The following DCDC1 variants were observed in gnomAD, a reference collection of about 807,000 sequenced individuals.
DCDC1 encodes the protein doublecortin domain-containing protein 1.
Under a neutral mutation model 178.3 loss-of-function variants are expected in DCDC1, and 200 were observed. That is an observed-to-expected ratio of 1.12 (90% CI 1.00 to 1.26). The LOEUF (loss-of-function observed/expected upper bound fraction) is 1.26. DCDC1 is among the 50% of genes most tolerant of loss of function. DCDC1 has a pLI of 0.00. For synonymous variants in DCDC1, 690 were observed against 604.8 expected, an observed-to-expected ratio of 1.14 and a Z score of -2.07; for missense variants, 1,983 against 1,749.2, an observed-to-expected ratio of 1.13 and a Z score of -2.38.
rs751350410 is a variant in DCDC1, at chr11:31,307,623, G to T, written c.434+16C>A. 1.2e-6 allele frequency: 2 copies of T among 1,612,896 alleles called. No homozygotes were observed. The highest frequency in any genetic ancestry group is 1.7e-6 in the Non-Finnish European group (2 of 1,179,258). On this transcript the variant is annotated intron_variant, in intron 4 of 38. Transcript: ENST00000684477. ...TCAACAATAGGTTAAAAAGAACAGA[G>T]AACAGCTTTGATTACCTCAGTTGAC...
chr11:31,345,589 A>T (rs1228067938), intron 1 of DCDC1, among the ~76,000 whole-genome samples: 2 of 145,192 alleles, frequency 1.4e-5, no homozygotes, highest in Admixed American at 8.0e-5. Flanking sequence ...TCTGAAAAGT[A>T]AAAAAAAAAA....
At chr11:30,962,171 A>C (rs1949141273) in intron 20 of DCDC1, among the ~76,000 whole-genome samples, 1 of 152,148 alleles carries the variant, frequency 6.6e-6, no homozygotes, top group Non-Finnish European at 1.5e-5. Flanking sequence ...TAAAGACTGC[A>C]GCATTATTAA....
intron 9 of DCDC1, among the ~76,000 whole-genome samples, chr11:31,188,630 CCAAA>C (rs1969788063): frequency 6.6e-6 from 1 of 152,048 alleles, no homozygotes; most frequent in African/African-American, 2.4e-5. Flanking sequence ...GCCATGTATA[CCAAA>C]CAAACAGGTA....
At chr11:31,175,460 C>T (rs543517019) in intron 9 of DCDC1, among the ~76,000 whole-genome samples, 1 of 152,348 alleles carries the variant, frequency 6.6e-6, no homozygotes, top group South Asian at 2.1e-4. Context: ...GGTTGCCTCA[C>T]CCACACACAC....
intron 20 of DCDC1, among the ~76,000 whole-genome samples, chr11:31,014,235 C>G (rs968516823): frequency 6.6e-6 from 1 of 151,936 alleles, no homozygotes; most frequent in Admixed American, 6.6e-5. Flanking sequence ...TTTTCTCCCC[C>G]CTCCCCTCCC....
chr11:31,242,365 T>C (rs755421059), intron 8 of DCDC1, among the ~76,000 whole-genome samples: 6 of 151,926 alleles, frequency 3.9e-5, no homozygotes, highest in Non-Finnish European at 5.9e-5. Context: ...ATAAAGTCTT[T>C]CTAGTGTAAA....
At chr11:30,984,255 G>C (rs979421111) in intron 20 of DCDC1, among the ~76,000 whole-genome samples, 1 of 152,036 alleles carries the variant, frequency 6.6e-6, no homozygotes, top group Non-Finnish European at 1.5e-5. Context: ...GTGTGTTTGG[G>C]CACGTGTGTA....
At chr11:31,013,810 T>G (rs1952314843) in intron 20 of DCDC1, among the ~76,000 whole-genome samples, 1 of 152,212 alleles carries the variant, frequency 6.6e-6, no homozygotes, top group African/African-American at 2.4e-5. Context: ...TGTCTACAAG[T>G]AGCCTGAGAA....
intron 21 of DCDC1, among the ~76,000 whole-genome samples, chr11:30,938,567 A>G (rs1268029475): frequency 1.3e-5 from 2 of 151,972 alleles, no homozygotes; most frequent in Non-Finnish European, 2.9e-5. Context: ...TTGAGGGGGA[A>G]CATGGGGGCT....
intron 38 of DCDC1, among the ~76,000 whole-genome samples, chr11:30,875,871 A>T (rs1358193809): frequency 6.6e-6 from 1 of 152,224 alleles, no homozygotes; most frequent in African/African-American, 2.4e-5. Flanking sequence ...CAAAGCTGAC[A>T]TAAGCATCCA....
chr11:31,330,176 C>T (rs1179184244), intron 2 of DCDC1, among the ~76,000 whole-genome samples: 4 of 152,154 alleles, frequency 2.6e-5, no homozygotes, highest in Non-Finnish European at 5.9e-5. Flanking sequence ...TTTCATGTGT[C>T]TGTTGGCTGC....
intron 1 of DCDC1, among the ~76,000 whole-genome samples, chr11:31,339,996 A>T (rs2133203287): frequency 6.6e-6 from 1 of 152,048 alleles, no homozygotes; most frequent in Non-Finnish European, 1.5e-5. Flanking sequence ...TGCTTTTTAA[A>T]GAAGGCATCA....
intron 3 of DCDC1, among the ~76,000 whole-genome samples, chr11:31,323,053 A>G (rs1447140795): frequency 6.7e-6 from 1 of 149,836 alleles, no homozygotes; most frequent in African/African-American, 2.6e-5. Flanking sequence ...TAAAAATTCT[A>G]CTTTTATTTA....
At chr11:31,193,161 T>G (rs1970312717) in intron 9 of DCDC1, among the ~76,000 whole-genome samples, 1 of 152,052 alleles carries the variant, frequency 6.6e-6, no homozygotes, top group Non-Finnish European at 1.5e-5. Flanking sequence ...TTCTCTAGTT[T>G]GCAGATGGCA....
chr11:30,868,541 A>G (rs545800146), intron 38 of DCDC1, among the ~76,000 whole-genome samples: 9 of 151,952 alleles, frequency 5.9e-5, no homozygotes, highest in African/African-American at 2.2e-4. Context: ...ATGAGCCACC[A>G]CGCCCAGCCC....
chr11:30,919,321 T>G (rs1396326875), intron 25 of DCDC1, among the ~76,000 whole-genome samples: 1 of 152,186 alleles, frequency 6.6e-6, no homozygotes, highest in African/African-American at 2.4e-5. Context: ...GTGATCTCTC[T>G]GTTATTAGGA....
intron 20 of DCDC1, among the ~76,000 whole-genome samples, chr11:31,007,687 G>A (rs1337348541): frequency 2.7e-5 from 4 of 150,720 alleles, no homozygotes; most frequent in South Asian, 2.1e-4. Context: ...TTTTTGAGAC[G>A]GAGTCTCACT....
intron 18 of DCDC1, among the ~76,000 whole-genome samples, chr11:31,065,984 A>G (rs1377749464): frequency 2.6e-5 from 4 of 152,176 alleles, no homozygotes; most frequent in African/African-American, 9.6e-5. Context: ...TAACTACACC[A>G]GCAGCAGGAA....
chr11:31,030,887 T>C (rs1255438087), intron 20 of DCDC1, among the ~76,000 whole-genome samples: 2 of 151,904 alleles, frequency 1.3e-5, no homozygotes, highest in Non-Finnish European at 2.9e-5. Flanking sequence ...AATCTAGAAA[T>C]TCCCCCCTCT....
Sources: allele counts gnomAD v4.1 joint callset (sites outside exome capture counted in the v4.1 genomes callset), GRCh38; gene constraint gnomAD v4.1.1; transcripts MANE v1.5; gene names NCBI Gene and HGNC (gene_info 2026-07-23, HGNC 2026-07-21).